The following PAX2 variants were observed in gnomAD, a reference collection of about 807,000 sequenced individuals.
PAX2 encodes paired box 2, also known as paired box protein Pax-2.
A neutral mutation model predicts 41.7 loss-of-function variants in PAX2; 9 were observed. That is an observed-to-expected ratio of 0.22 (90% CI 0.13 to 0.38). The LOEUF (loss-of-function observed/expected upper bound fraction) is 0.38. Ranked by LOEUF, PAX2 falls within the 10% of genes least tolerant of loss-of-function variation. The pLI, the probability that PAX2 is intolerant of heterozygous loss-of-function variation, is 1.00. For synonymous variants in PAX2, 221 were observed against 212.7 expected (o/e 1.04, Z -0.34); for missense variants, 418 against 531.6 (o/e 0.79, Z 2.10).
intron 3 of PAX2, among the ~76,000 whole-genome samples, chr10:100,761,100 A>G (rs999407031): frequency 3.3e-5 from 5 of 152,158 alleles, no homozygotes; most frequent in Non-Finnish European, 7.4e-5. Context: ...GGAAGAGAGA[A>G]GTGGGAGCCA....
rs1845134591 is a variant in PAX2 at position 100,745,734 on chromosome 10, C to T, written c.-527C>T. ...GGCGGGGGCCTGGCCCGCGCGCTCC[C>T]CTCCCGCAGGCGCCACCTCGGACAT... On this transcript the variant is annotated 5_prime_UTR_variant, in exon 1 of 10. Transcript: ENST00000355243. 9.6e-7 allele frequency: 1 copy of T among 1,038,764 alleles called. No homozygotes were observed. Among genetic ancestry groups the T allele is most frequent in the Non-Finnish European group, 1.2e-6 (1 of 862,960 alleles). The allele number at this position is 1,038,764 out of a possible 1,614,324, so 64.3% of individuals were successfully genotyped here. A position where few individuals can be genotyped will look rare whatever the true frequency, so the allele number is the denominator to read the frequency against.
rs996119988 is a variant in PAX2 at position 100,827,649 on chromosome 10, C to A, written c.*30C>A. On this transcript the variant is annotated 3_prime_UTR_variant, in exon 10 of 10. Transcript: ENST00000355243. The surrounding 1 kb of genome is among the most constrained non-coding windows in gnomAD (Gnocchi z 8.5). ...CGCGGGGACCACATCAAGCTTCAGGCCGACAGCTTCGGCCTCCACATCGTC... is the reference window on the plus strand; with the variant it reads ...CGCGGGGACCACATCAAGCTTCAGGACGACAGCTTCGGCCTCCACATCGTC... 3 of 1,613,754 alleles carry A rather than the reference C, an allele frequency of 1.9e-6. No individual in the cohort carries two copies. The highest frequency in any genetic ancestry group is 2.7e-5 in the African/African-American group (2 of 74,914).
At chr10:100,764,086 C>T (rs1037926757) in intron 3 of PAX2, among the ~76,000 whole-genome samples, 6 of 150,504 alleles carry the variant, frequency 4.0e-5, no homozygotes, top group Admixed American at 6.6e-5. Flanking sequence ...TCTTGTTATG[C>T]GTCTATTTCA....
intron 5 of PAX2, among the ~76,000 whole-genome samples, chr10:100,786,192 C>T (rs572889027): frequency 1.3e-5 from 2 of 152,318 alleles, no homozygotes; most frequent in South Asian, 2.1e-4. Flanking sequence ...TTAGCTAACC[C>T]GGATGGGACC....
rs1210095555 is a variant in PAX2 at position 100,826,477 on chromosome 10, T to C, written c.1022-532T>C. Among the ~76,000 whole-genome samples, 1 of 152,136 alleles carries C rather than the reference T, an allele frequency of 6.6e-6. No individual in the cohort carries two copies. Among genetic ancestry groups the C allele is most frequent in the African/African-American group, 2.4e-5 (1 of 41,432 alleles). On this transcript the variant is annotated intron_variant, in intron 8 of 9. Coordinates refer to ENST00000355243, the MANE Select transcript of PAX2 (RefSeq NM_000278.5). The surrounding 1 kb of genome is among the most constrained non-coding windows in gnomAD (Gnocchi z 5.5). ...CCGCGTAGCCCACGCATCCAACCTC[T>C]TGAGGGAAAGGCGGGAGGGCGGTGT...
At chr10:100,763,075 C>T (rs1391533411) in intron 3 of PAX2, among the ~76,000 whole-genome samples, 1 of 152,208 alleles carries the variant, frequency 6.6e-6, no homozygotes, top group African/African-American at 2.4e-5. Flanking sequence ...GCAACCCATT[C>T]CCAGAACACT....
At chr10:100,751,887 C>T (rs189940268) in intron 3 of PAX2, among the ~76,000 whole-genome samples, 8 of 152,292 alleles carry the variant, frequency 5.3e-5, no homozygotes, top group Admixed American at 3.3e-4. Context: ...CATTTTGAGA[C>T]ACCCCAAAAT....
chr10:100,827,571 C>T lies in PAX2; in HGVS notation c.1137C>T (p.Pro379=), dbSNP rs763313759. 6.2e-7 allele frequency: 1 copy of T among 1,613,976 alleles called. No homozygotes were observed. The part of the protein sequence containing the change: ...LSSPYYYSAA[P]RGSAPAAAAA... ...CCCCTTATTATTATAGTGCCGCCCCCCGGGGCTCCGCCCCTGCCGCTGCTG... is the reference window on the plus strand; with the variant it reads ...CCCCTTATTATTATAGTGCCGCCCCTCGGGGCTCCGCCCCTGCCGCTGCTG... The change falls in exon 10 of 10, where the codon CCC becomes CCT. Residue 379 remains proline (P), a synonymous_variant. Coordinates refer to ENST00000355243, the MANE Select transcript of PAX2 (RefSeq NM_000278.5). This position sits in a 1 kb window ranked among gnomAD's most constrained non-coding sequence, Gnocchi z 8.5.
intron 1 of PAX2, chr10:100,749,268 A>G (rs1243841548): frequency 1.0e-6 from 1 of 994,090 alleles, no homozygotes; most frequent in Non-Finnish European, 1.2e-6. Flanking sequence ...ATAAACAGTC[A>G]GCCGAGCCTC....
rs576601914 is a variant in PAX2, at chr10:100,772,040, C to T, written c.411-7458C>T. On this transcript the variant is annotated intron_variant, in intron 3 of 9. Transcript: ENST00000355243. The stretch of plus-strand genomic sequence containing the variant: ...CAGGCTGGTCTTGAACTTCCGACCT[C>T]ATGATTCACTTGCCTCGGCCTCCCA... Among the ~76,000 whole-genome samples the T allele has an allele frequency of 2.0e-4, 30 of 152,106 alleles. 1 individual carries two copies. The South Asian group carries it at 4.4e-3, about 22-fold the overall frequency.
At chr10:100,751,288 C>T (rs1165032167) in intron 3 of PAX2, among the ~76,000 whole-genome samples, 1 of 152,160 alleles carries the variant, frequency 6.6e-6, no homozygotes, top group African/African-American at 2.4e-5. Flanking sequence ...CTGCTCCTTC[C>T]CCAGGGGCCG....
At chr10:100,810,848 C>A (rs1014563446) in intron 7 of PAX2, among the ~76,000 whole-genome samples, 4 of 152,112 alleles carry the variant, frequency 2.6e-5, no homozygotes, top group Non-Finnish European at 5.9e-5. Flanking sequence ...CCTTGAGCAG[C>A]CCCCACCCGC....
chr10:100,774,590 A>C (rs1189153457), intron 3 of PAX2, among the ~76,000 whole-genome samples: 2 of 152,200 alleles, frequency 1.3e-5, no homozygotes, highest in East Asian at 1.9e-4. Context: ...ATCGGCCTAA[A>C]TTGAAAGCAC....
upstream of PAX2, among the ~76,000 whole-genome samples, chr10:100,742,993 G>A (rs1278018113): frequency 1.3e-5 from 2 of 151,432 alleles, no homozygotes; most frequent in Admixed American, 1.3e-4. Flanking sequence ...CCTTCATCCT[G>A]GAGCCCCAGG....
In PAX2 at chr10:100,746,104, G is replaced by C; in HGVS notation, c.-157G>C. 6.4e-7 allele frequency: 1 copy of C among 1,554,510 alleles called. No individual in the cohort carries two copies. Among genetic ancestry groups the C allele is most frequent in the Non-Finnish European group, 8.7e-7 (1 of 1,155,236 alleles). On this transcript the variant is annotated 5_prime_UTR_variant, in exon 1 of 10. Transcript: ENST00000355243. ...CGGAGGAGCCCCAGCGGGGAGCGCA[G>C]TGCTGCGCCCCCCGCCCCCGCGCGC...
intron 5 of PAX2, among the ~76,000 whole-genome samples, chr10:100,782,312 C>T (rs746272502): frequency 5.1e-4 from 77 of 152,260 alleles, no homozygotes; most frequent in Non-Finnish European, 9.0e-4. Flanking sequence ...TAGCCCAGAA[C>T]AGTCCCAATT....
rs754024919 is a variant in PAX2, at chr10:100,827,013, C to G, written c.1026C>G (p.Ser342Arg). The change falls in exon 9 of 10, where the codon AGC (serine) becomes AGG (arginine). Residue 342 changes from serine to arginine, a missense_variant. Physicochemically the swap from Ser to Arg is moderately radical, Grantham distance 110 (BLOSUM62 -1). This residue lies in a region of PAX2 where 310 missense variants were observed against 325.2 expected (regional missense o/e 0.95). Coordinates refer to ENST00000355243, the MANE Select transcript of PAX2 (RefSeq NM_000278.5). This position sits in a 1 kb window ranked among gnomAD's most constrained non-coding sequence, Gnocchi z 8.5. ...TSTLAGMVPGSEFSGNPYSHP... is the reference protein window; with the variant it reads ...TSTLAGMVPGREFSGNPYSHP... Reference sequence around the variant, plus strand: ...CACTCCCCGACCCTCCCGCAGGGAGCGAGTTCTCCGGCAACCCGTACAGCC... The same window carrying G: ...CACTCCCCGACCCTCCCGCAGGGAGGGAGTTCTCCGGCAACCCGTACAGCC... 6.2e-7 allele frequency: 1 copy of G among 1,612,138 alleles called. No individual in the cohort carries two copies.
rs1174770692 is a variant in PAX2 at position 100,745,714 on chromosome 10, G to A, written c.-547G>A. ...GTGCGCCTGCCTTTTCCGGGGGCGG[G>A]GGCCTGGCCCGCGCGCTCCCCTCCC... On this transcript the variant is annotated 5_prime_UTR_variant, in exon 1 of 10. Transcript: ENST00000355243. The A allele has an allele frequency of 9.8e-6, 10 of 1,024,116 alleles. No individual in the cohort carries two copies. The highest frequency in any genetic ancestry group is 9.2e-5 in the South Asian group (2 of 21,648). 63.4% of individuals were successfully genotyped at this position (1,024,116 alleles called of 1,614,324 possible).
chr10:100,782,438 C>T (rs893177711), intron 5 of PAX2, among the ~76,000 whole-genome samples: 2 of 152,248 alleles, frequency 1.3e-5, no homozygotes, highest in Non-Finnish European at 2.9e-5. Flanking sequence ...GACAAACCCT[C>T]GGTAGGGGAA....
Sources: allele counts gnomAD v4.1 joint callset (sites outside exome capture counted in the v4.1 genomes callset), GRCh38; gene constraint gnomAD v4.1.1; regional missense constraint gnomAD v4.1.1; non-coding constraint Gnocchi (gnomAD v3.1); transcripts MANE v1.5; gene names NCBI Gene and HGNC (gene_info 2026-07-23, HGNC 2026-07-21).